The following RIT2 variants were observed in gnomAD, a reference collection of about 807,000 sequenced individuals.
RIT2 encodes Ras like without CAAX 2.
Under a neutral mutation model 23.7 loss-of-function variants are expected in RIT2, and 24 were observed. The observed-to-expected ratio is 1.01, with a 90% CI of 0.73 to 1.43. The LOEUF is 1.43. Among genes scored for constraint, RIT2 ranks in the 40% most tolerant of loss-of-function variants. The pLI is 0.00. For missense variants in RIT2, 236 were observed against 266.9 expected (o/e 0.88, Z 0.81); for synonymous variants, 107 against 91.1 (o/e 1.17, Z -0.99).
chr18:42,988,512 C>A (rs757967684), intron 2 of RIT2, among the ~76,000 whole-genome samples: 1 of 152,254 alleles, frequency 6.6e-6, no homozygotes. Context: ...GTTGAAGGAC[C>A]TTTCCGTTCA....
At chr18:43,016,817 T>C (rs1196830069) in intron 2 of RIT2, among the ~76,000 whole-genome samples, 1 of 152,024 alleles carries the variant, frequency 6.6e-6, no homozygotes, top group Non-Finnish European at 1.5e-5. Context: ...GCTGAATAAA[T>C]GCATACTAAT....
chr18:43,006,777 G>A (rs2144249028), intron 2 of RIT2, among the ~76,000 whole-genome samples: 1 of 151,508 alleles, frequency 6.6e-6, no homozygotes, highest in African/African-American at 2.4e-5. Flanking sequence ...AGAGAAGACA[G>A]CAAATATTAA....
At chr18:43,107,929 C>T (rs186151025) in intron 1 of RIT2, among the ~76,000 whole-genome samples, 67 of 151,110 alleles carry the variant, frequency 4.4e-4, no homozygotes, top group Non-Finnish European at 8.0e-4. Flanking sequence ...TTTGGAAGTC[C>T]GAGGCGGGTG....
chr18:43,066,716 G>A (rs1399015982), intron 1 of RIT2, among the ~76,000 whole-genome samples: 1 of 152,052 alleles, frequency 6.6e-6, no homozygotes, highest in Non-Finnish European at 1.5e-5. Context: ...ACCTAACTTG[G>A]AGGCCAGAGA....
chr18:43,096,076 G>A (rs1370600786), intron 1 of RIT2, among the ~76,000 whole-genome samples: 1 of 151,886 alleles, frequency 6.6e-6, no homozygotes, highest in Non-Finnish European at 1.5e-5. Flanking sequence ...ATCCGGAAAA[G>A]TGAGACTATT....
At chr18:42,853,833 C>T (rs1349716619) in intron 4 of RIT2, among the ~76,000 whole-genome samples, 1 of 152,090 alleles carries the variant, frequency 6.6e-6, no homozygotes, top group African/African-American at 2.4e-5. Flanking sequence ...CTGTGTCAAA[C>T]CTAAAAATAG....
chr18:42,943,766 GA>G (rs1166880709), intron 3 of RIT2, among the ~76,000 whole-genome samples: 1 of 152,100 alleles, frequency 6.6e-6, no homozygotes, highest in East Asian at 1.9e-4. Context: ...AAGTTTCCAA[GA>G]ACCTGTCAAT....
intron 2 of RIT2, among the ~76,000 whole-genome samples, chr18:43,012,615 C>T (rs1911376082): frequency 6.6e-6 from 1 of 151,280 alleles, no homozygotes; most frequent in African/African-American, 2.4e-5. Flanking sequence ...ATACTCTATG[C>T]TCAAAAAATA....
chr18:42,977,953 C>T (rs947080048), intron 2 of RIT2, among the ~76,000 whole-genome samples: 1 of 151,446 alleles, frequency 6.6e-6, no homozygotes, highest in South Asian at 2.1e-4. Context: ...AAAGAGAAAT[C>T]TTGTGGAATC....
At chr18:42,999,256 A>T (rs1356130638) in intron 2 of RIT2, among the ~76,000 whole-genome samples, 1 of 152,050 alleles carries the variant, frequency 6.6e-6, no homozygotes, top group African/African-American at 2.4e-5. Context: ...ATAAAAAAAA[A>T]TCTTTCATTA....
intron 3 of RIT2, among the ~76,000 whole-genome samples, chr18:42,924,293 T>C (rs1481820421): frequency 6.6e-6 from 1 of 152,150 alleles, no homozygotes; most frequent in Non-Finnish European, 1.5e-5. Flanking sequence ...GACCTGGTTT[T>C]CCTTGTGAAT....
chr18:42,832,950 A>C (rs1388606999), intron 4 of RIT2, among the ~76,000 whole-genome samples: 1 of 149,192 alleles, frequency 6.7e-6, no homozygotes, highest in African/African-American at 2.5e-5. Context: ...GCTAGTAGGG[A>C]GGCTGAGGCA....
intron 1 of RIT2, among the ~76,000 whole-genome samples, chr18:43,061,654 G>A (rs1598766845): frequency 1.3e-5 from 2 of 152,016 alleles, no homozygotes; most frequent in Admixed American, 6.6e-5. Flanking sequence ...ATTGAACGGT[G>A]CTTTTTCCAA....
At chr18:42,957,122 A>C (rs908392466) in intron 3 of RIT2, among the ~76,000 whole-genome samples, 6 of 152,206 alleles carry the variant, frequency 3.9e-5, no homozygotes, top group African/African-American at 1.4e-4. Context: ...TAGGCATTAC[A>C]TATTCACTTA....
intron 2 of RIT2, among the ~76,000 whole-genome samples, chr18:42,991,315 T>A (rs1427934577): frequency 6.6e-6 from 1 of 152,002 alleles, no homozygotes; most frequent in Non-Finnish European, 1.5e-5. Flanking sequence ...GAAGACAGAG[T>A]AGGCAAACAC....
chr18:42,783,765 T>C, intron 4 of RIT2, among the ~76,000 whole-genome samples: 1 of 152,074 alleles, frequency 6.6e-6, no homozygotes, highest in Admixed American at 6.6e-5. Flanking sequence ...GAACATGACA[T>C]CATATTAGTG....
intron 2 of RIT2, among the ~76,000 whole-genome samples, chr18:42,999,752 A>C (rs182718735): frequency 4.1e-4 from 62 of 152,208 alleles, no homozygotes; most frequent in African/African-American, 1.5e-3. Context: ...GATTTTCAAA[A>C]GATACAAAAA....
intron 4 of RIT2, among the ~76,000 whole-genome samples, chr18:42,833,240 T>C (rs963518394): frequency 6.6e-6 from 1 of 152,108 alleles, no homozygotes; most frequent in African/African-American, 2.4e-5. Flanking sequence ...TGAGAACATG[T>C]GATATTTGTC....
intron 3 of RIT2, among the ~76,000 whole-genome samples, chr18:42,948,474 T>C (rs1192550877): frequency 6.6e-6 from 1 of 151,966 alleles, no homozygotes; most frequent in Non-Finnish European, 1.5e-5. Flanking sequence ...GTTATAGAAT[T>C]AGTAGTCTAA....
Sources: allele counts gnomAD v4.1 joint callset (sites outside exome capture counted in the v4.1 genomes callset), GRCh38; gene constraint gnomAD v4.1.1; transcripts MANE v1.5; gene names NCBI Gene and HGNC (gene_info 2026-07-23, HGNC 2026-07-21).